The following ELAVL2 variants were observed in gnomAD, a reference collection of about 807,000 sequenced individuals.
The protein encoded by ELAVL2 is ELAV like RNA binding protein 2.
In ELAVL2, 4 loss-of-function variants were observed where a neutral mutation model predicts 34.6. The ratio of observed to expected loss-of-function variants is 0.12; its 90% CI spans 0.06 to 0.26. The LOEUF (loss-of-function observed/expected upper bound fraction) is 0.26. ELAVL2 is among the 10% of genes least tolerant of loss of function. The pLI is 1.00. For synonymous variants in ELAVL2, 193 were observed against 154.8 expected (o/e 1.25, Z -1.83); for missense variants, 432 against 442.8 (o/e 0.98, Z 0.22).
chr9:23,731,985 AC>A (rs1272693114), intron 2 of ELAVL2, among the ~76,000 whole-genome samples: 1 of 152,178 alleles, frequency 6.6e-6, no homozygotes, highest in Non-Finnish European at 1.5e-5. Context: ...TGCAAAGATA[AC>A]TAAAGTCAAT....
intron 1 of ELAVL2, chr9:23,764,948 A>G (rs2055895791): frequency 2.6e-6 from 4 of 1,510,208 alleles, no homozygotes; most frequent in African/African-American, 2.8e-5. Flanking sequence ...GTATGGCCTC[A>G]GCACTCCTCC....
chr9:23,694,846 T>C (rs965184785), intron 5 of ELAVL2, among the ~76,000 whole-genome samples: 2 of 152,070 alleles, frequency 1.3e-5, no homozygotes, highest in African/African-American at 4.8e-5. Context: ...GATCTTCGTG[T>C]GTGAGTGTGT....
At chr9:23,710,399 C>T (rs1587501678) in intron 3 of ELAVL2, among the ~76,000 whole-genome samples, 1 of 152,192 alleles carries the variant, frequency 6.6e-6, no homozygotes, top group African/African-American at 2.4e-5. Context: ...ATGCTTTCGT[C>T]CAAACACACA....
rs1221012925 is a variant in ELAVL2 at position 23,691,130 on chromosome 9, A to C, written c.*1427T>G. 1 of 152,556 alleles carries C rather than the reference A, an allele frequency of 6.6e-6. No individual in the cohort carries two copies. The highest frequency in any genetic ancestry group is 1.5e-5 in the Non-Finnish European group (1 of 67,996). The allele number at this position is 152,556 out of a possible 1,614,324, so 9.5% of individuals were successfully genotyped here. A position where few individuals can be genotyped will look rare whatever the true frequency, so the allele number is the denominator to read the frequency against. On this transcript the variant is annotated 3_prime_UTR_variant, in exon 7 of 7. Coordinates refer to ENST00000397312, the MANE Select transcript of ELAVL2 (RefSeq NM_004432.5). ...TTTGCAACAAATCTGATGCACTGTAAATTCAAGTCCTCAGGACAACAAAAG... is the reference window on the plus strand; with the variant it reads ...TTTGCAACAAATCTGATGCACTGTACATTCAAGTCCTCAGGACAACAAAAG...
chr9:23,829,012 A>G (rs1055980375), upstream of ELAVL2, among the ~76,000 whole-genome samples: 7 of 152,238 alleles, frequency 4.6e-5, no homozygotes, highest in African/African-American at 9.6e-5. Flanking sequence ...AAAAAATGCA[A>G]TCAACCCCTT....
intron 3 of ELAVL2, among the ~76,000 whole-genome samples, chr9:23,723,331 A>G (rs1179598810): frequency 6.6e-6 from 1 of 152,104 alleles, no homozygotes; most frequent in Non-Finnish European, 1.5e-5. Flanking sequence ...ACAAAAAACC[A>G]AACACCGCAT....
At chr9:23,724,001 A>G (rs1473903379) in intron 3 of ELAVL2, among the ~76,000 whole-genome samples, 2 of 152,154 alleles carry the variant, frequency 1.3e-5, no homozygotes, top group Non-Finnish European at 2.9e-5. Flanking sequence ...TTTAATTCCA[A>G]TGGAGGTCTT....
chr9:23,841,514 T>C, the ELAVL2 span, among the ~76,000 whole-genome samples: 1 of 152,070 alleles, frequency 6.6e-6, no homozygotes, highest in Non-Finnish European at 1.5e-5. Context: ...ACCGCATAGA[T>C]TACCTAAGGG....
At chr9:23,735,506 T>C (rs1399449909) in intron 2 of ELAVL2, 1 of 152,242 alleles carries the variant, frequency 6.6e-6, no homozygotes, top group Non-Finnish European at 1.5e-5. Flanking sequence ...CTCGAACTCC[T>C]GGCTTCAACT....
chr9:23,719,823 C>CT (rs201455930), intron 3 of ELAVL2, among the ~76,000 whole-genome samples: 27,407 of 130,434 alleles, frequency 0.21, 3,194 homozygotes, highest in Admixed American at 0.28. Context: ...TTAAAAGCCA[C>CT]TTTTTTTTTT....
In ELAVL2 at chr9:23,704,133, T is replaced by C. The variant is rs1445219136; in HGVS notation, c.487+785A>G. On this transcript the variant is annotated intron_variant, in intron 4 of 6. Transcript: ENST00000397312. ...TTTTAGTAGAGATGGGGCTTCTCTA[T>C]GTTGGTCACGCTGGTCTTGAACTCC... Among the ~76,000 whole-genome samples the C allele has an allele frequency of 2.7e-5, 3 of 110,598 alleles. No individual in the cohort carries two copies. In the East Asian group the frequency reaches 8.8e-4, roughly 33 times the overall value. The allele number at this position is 110,598 out of a possible 152,430, so 72.6% of individuals were successfully genotyped here.
intron 2 of ELAVL2, among the ~76,000 whole-genome samples, chr9:23,747,984 C>A (rs2050924958): frequency 6.6e-6 from 1 of 152,078 alleles, no homozygotes; most frequent in South Asian, 2.1e-4. Context: ...CAGAAATAGG[C>A]CACAAACCAC....
intron 5 of ELAVL2, among the ~76,000 whole-genome samples, 194 bp downstream of exon 5, chr9:23,701,185 C>G (rs113198163): frequency 1.9e-4 from 29 of 152,330 alleles, no homozygotes; most frequent in African/African-American, 6.7e-4. Context: ...TGGTCCCCAC[C>G]TTCAATATTA....
chr9:23,739,760 C>A (rs999633328), intron 2 of ELAVL2, among the ~76,000 whole-genome samples: 1 of 151,296 alleles, frequency 6.6e-6, no homozygotes. Flanking sequence ...TCAATCTTCA[C>A]AAACATGCAC....
At chr9:23,783,331 A>T in intron 1 of ELAVL2, 1 of 355,932 alleles carries the variant, frequency 2.8e-6, no homozygotes, top group Non-Finnish European at 3.9e-6. Flanking sequence ...GCAAGATCTC[A>T]CTCAGCTCAC....
chr9:23,768,833 CAG>C (rs2056797003), intron 1 of ELAVL2, among the ~76,000 whole-genome samples: 1 of 152,130 alleles, frequency 6.6e-6, no homozygotes, highest in African/African-American at 2.4e-5. Context: ...GAAAATTAAA[CAG>C]ATCTTGAAGA....
chr9:23,772,394 T>C (rs937787109), intron 1 of ELAVL2, among the ~76,000 whole-genome samples: 1 of 152,038 alleles, frequency 6.6e-6, no homozygotes, highest in African/African-American at 2.4e-5. Context: ...AAAAATAATG[T>C]TTTTTAACTC....
chr9:23,707,836 A>G (rs1377984643), intron 3 of ELAVL2, among the ~76,000 whole-genome samples: 1 of 152,218 alleles, frequency 6.6e-6, no homozygotes, highest in Non-Finnish European at 1.5e-5. Context: ...AAATTTAGGT[A>G]AATGCCCAGC....
rs183620245 is a variant in ELAVL2, at chr9:23,761,969, T to C, written c.229+37A>G. 5.7e-5 allele frequency: 90 copies of C among 1,565,560 alleles called. 1 individual carries two copies. Among genetic ancestry groups the C allele is most frequent in the Non-Finnish European group, 9.5e-6 (11 of 1,154,228 alleles). On this transcript the variant is annotated intron_variant, in intron 2 of 6. Transcript: ENST00000397312. The stretch of plus-strand genomic sequence containing the variant: ...TATTTTCTCCTATCTTGAGACACGA[T>C]CCGTTAAATATAAATCATCTACATA...
Sources: gnomAD v4.1 joint callset for allele counts (sites outside exome capture counted in the v4.1 genomes callset) on GRCh38, gnomAD v4.1.1 for gene constraint, MANE v1.5 for transcripts, NCBI Gene and HGNC (gene_info 2026-07-23, HGNC 2026-07-21) for gene names.